The following RCOR3 variants were observed in gnomAD, a reference collection of about 807,000 sequenced individuals.
RCOR3 encodes the protein REST corepressor 3.
In RCOR3, 13 loss-of-function variants were observed where a neutral mutation model predicts 64.1. That is an observed-to-expected ratio of 0.20 (90% confidence interval 0.13 to 0.32). The LOEUF (loss-of-function observed/expected upper bound fraction) is 0.32. Ranked by LOEUF, RCOR3 falls within the 10% of genes least tolerant of loss-of-function variation. The pLI is 1.00. For synonymous variants in RCOR3, 215 were observed against 239.0 expected (o/e 0.90, Z 0.93); for missense variants, 489 against 701.2 (o/e 0.70, Z 3.42).
At chr1:211,307,364 G>A (rs938173496) in intron 10 of RCOR3, among the ~76,000 whole-genome samples, 7 of 151,918 alleles carry the variant, frequency 4.6e-5, no homozygotes, top group East Asian at 3.9e-4. Context: ...TGGTGCACAC[G>A]TGTAGTCCCA....
chr1:211,280,215 A>C (rs1430879757), intron 7 of RCOR3, among the ~76,000 whole-genome samples: 1 of 152,134 alleles, frequency 6.6e-6, no homozygotes, highest in Non-Finnish European at 1.5e-5. Flanking sequence ...TCCACCCCTA[A>C]AAACACTTGG....
At chr1:211,287,186 T>C (rs1698652601) in intron 7 of RCOR3, among the ~76,000 whole-genome samples, 1 of 152,166 alleles carries the variant, frequency 6.6e-6, no homozygotes, top group Non-Finnish European at 1.5e-5. Context: ...TTGGTTTCTT[T>C]CCACCCAGCC....
chr1:211,306,089 T>C (rs1358272432), intron 10 of RCOR3, among the ~76,000 whole-genome samples: 1 of 152,278 alleles, frequency 6.6e-6, no homozygotes, highest in East Asian at 1.9e-4. Flanking sequence ...TTTGGGTTTT[T>C]GTTGTTGTTA....
At position 211,313,316 on chromosome 1, in the gene RCOR3, T is replaced by C. The variant is rs1285142484; in HGVS notation, c.1318-108T>C. ...CCAATAAACACTGGTGTTATGTTTT[T>C]GTTTTGTTTTGATTTGTTTTGTTTT... On this transcript the variant is annotated intron_variant, in intron 11 of 11. Transcript: ENST00000419091. The surrounding 1 kb of genome is among the most constrained non-coding windows in gnomAD (Gnocchi z 4.7). The C allele has an allele frequency of 6.8e-7, 1 of 1,463,180 alleles. No individual in the cohort carries two copies. Among genetic ancestry groups the C allele is most frequent in the Non-Finnish European group, 9.0e-7 (1 of 1,111,270 alleles). 90.6% of individuals were successfully genotyped at this position (1,463,180 alleles called of 1,614,324 possible).
chr1:211,276,853 G>T (rs561746486), intron 5 of RCOR3, among the ~76,000 whole-genome samples: 1 of 152,104 alleles, frequency 6.6e-6, no homozygotes, highest in African/African-American at 2.4e-5. Context: ...TTGGGAGGCC[G>T]AGGCGGGCAG....
chr1:211,294,217 G>A (rs1488639872), intron 8 of RCOR3, among the ~76,000 whole-genome samples: 1 of 152,170 alleles, frequency 6.6e-6, no homozygotes, highest in Non-Finnish European at 1.5e-5. Context: ...TCTCAAACAT[G>A]TAGCAGCTAC....
chr1:211,286,776 C>T (rs1017088094), intron 7 of RCOR3, among the ~76,000 whole-genome samples: 4 of 152,260 alleles, frequency 2.6e-5, no homozygotes, highest in East Asian at 1.9e-4. Context: ...GTTTTGTGCA[C>T]GGTTTGTTAC....
intron 2 of RCOR3, among the ~76,000 whole-genome samples, chr1:211,268,651 A>T (rs911098061): frequency 6.6e-6 from 1 of 152,092 alleles, no homozygotes; most frequent in African/African-American, 2.4e-5. Context: ...TGCTGGGATT[A>T]TAGACTTGAG....
At chr1:211,298,100 G>C (rs932306954) in intron 9 of RCOR3, among the ~76,000 whole-genome samples, 2 of 152,178 alleles carry the variant, frequency 1.3e-5, no homozygotes, top group Admixed American at 6.5e-5. Flanking sequence ...CCGGTGAGAA[G>C]TGTGTGGGAA....
intron 10 of RCOR3, among the ~76,000 whole-genome samples, chr1:211,306,353 G>GT (rs1288775216): frequency 1.3e-5 from 2 of 150,330 alleles, no homozygotes; most frequent in Non-Finnish European, 3.0e-5. Flanking sequence ...AATTGTTTTT[G>GT]TTTTTTCTTT....
intron 7 of RCOR3, among the ~76,000 whole-genome samples, chr1:211,281,648 C>T (rs146511127): frequency 5.3e-5 from 8 of 152,284 alleles, no homozygotes; most frequent in East Asian, 3.9e-4. Flanking sequence ...TTAGATATGT[C>T]GTTTAGTTCC....
In RCOR3 at chr1:211,279,250, A is replaced by G; in HGVS notation, c.654A>G (p.Val218=). The G allele has an allele frequency of 1.2e-6, 2 of 1,608,844 alleles. No homozygotes were observed. The highest frequency in any genetic ancestry group is 1.7e-4 in the Middle Eastern group (1 of 5,942). The change falls in exon 7 of 12, where the codon GTA becomes GTG. Residue 218 remains valine, a synonymous_variant. Coordinates refer to ENST00000419091, the MANE Select transcript of RCOR3 (RefSeq NM_001136223.3). ...RHNQGDSDDD[V]EETHPMDGND... Reference sequence around the variant, plus strand: ...TGTTTCTTCTCAGTGATGATGATGTAGAAGAAACACATCCAATGGATGGGA... The same window carrying G: ...TGTTTCTTCTCAGTGATGATGATGTGGAAGAAACACATCCAATGGATGGGA...
chr1:211,308,548 A>G (rs1213594834), intron 10 of RCOR3, among the ~76,000 whole-genome samples: 2 of 151,966 alleles, frequency 1.3e-5, no homozygotes, highest in African/African-American at 4.8e-5. Context: ...AATGTTTCCC[A>G]GTTAAACTAA....
At chr1:211,292,822 A>G (rs1699396237) in intron 8 of RCOR3, among the ~76,000 whole-genome samples, 1 of 152,156 alleles carries the variant, frequency 6.6e-6, no homozygotes, top group African/African-American at 2.4e-5. Context: ...GCAGTGGCTC[A>G]TGCCTGTAAT....
In RCOR3 at chr1:211,263,911, C is replaced by G. The variant is rs1694779905; in HGVS notation, c.223+3747C>G. 2.0e-5 allele frequency among the ~76,000 whole-genome samples: 3 copies of G among 152,164 alleles called. No homozygotes were observed. The South Asian group carries it at 6.2e-4, about 32-fold the overall frequency. On this transcript the variant is annotated intron_variant, in intron 2 of 11. Transcript: ENST00000419091. Reference sequence around the variant, plus strand: ...TCTTGGCTCACTGCAACCTCCACCTCCTGGGTTCAAGCAATTCTGCCTCAG... The same window carrying G: ...TCTTGGCTCACTGCAACCTCCACCTGCTGGGTTCAAGCAATTCTGCCTCAG...
intron 2 of RCOR3, 88 bp from the exon 3 acceptor site, chr1:211,271,144 A>C (rs1696128294): frequency 8.6e-7 from 1 of 1,164,220 alleles, no homozygotes; most frequent in African/African-American, 1.5e-5. Context: ...GGCATGAGCC[A>C]CCGTGCCTGG....
At chr1:211,307,965 A>G (rs1010599089) in intron 10 of RCOR3, among the ~76,000 whole-genome samples, 1 of 152,186 alleles carries the variant, frequency 6.6e-6, no homozygotes, top group Admixed American at 6.5e-5. Context: ...CCTTTTTAAG[A>G]TAAATGAAGT....
chr1:211,288,208 C>T lies in RCOR3; in HGVS notation c.721-970C>T, dbSNP rs1698783528. Among the ~76,000 whole-genome samples, 12 of 148,138 alleles carry T rather than the reference C, an allele frequency of 8.1e-5. 1 individual carries two copies. In the South Asian group the frequency reaches 2.5e-3, roughly 31 times the overall value. On this transcript the variant is annotated intron_variant, in intron 7 of 11. Transcript: ENST00000419091. ...CCTGGGTGACAGAGTGAGACCCTGT[C>T]TCAAAAAAAAAAAAAATTGGATTAT...
At chr1:211,297,725 T>C (rs1394900186) in intron 9 of RCOR3, among the ~76,000 whole-genome samples, 1 of 152,218 alleles carries the variant, frequency 6.6e-6, no homozygotes, top group Non-Finnish European at 1.5e-5. Context: ...TTGTATCATC[T>C]AGAGAGTCCT....
Sources: allele counts gnomAD v4.1 joint callset (sites outside exome capture counted in the v4.1 genomes callset), GRCh38; gene constraint gnomAD v4.1.1; non-coding constraint Gnocchi (gnomAD v3.1); transcripts MANE v1.5; gene names NCBI Gene and HGNC (gene_info 2026-07-23, HGNC 2026-07-21).